Variants in DOCK3 observed in about 807,000 individuals in gnomAD.
DOCK3 encodes dedicator of cytokinesis protein 3.
In DOCK3, 60 loss-of-function variants were observed where a neutral mutation model predicts 265.6. The observed-to-expected ratio is 0.23, with a 90% CI of 0.18 to 0.28. The LOEUF (loss-of-function observed/expected upper bound fraction) is 0.28. Among genes scored for constraint, DOCK3 ranks in the 10% least tolerant of loss-of-function variants. The pLI is 1.00. For missense variants in DOCK3, 1,981 were observed against 2,594.3 expected (o/e 0.76, Z 5.14); for synonymous variants, 881 against 938.0 (o/e 0.94, Z 1.11).
At chr3:50,937,352 A>G (rs1456458553) in intron 5 of DOCK3, among the ~76,000 whole-genome samples, 1 of 150,188 alleles carries the variant, frequency 6.7e-6, no homozygotes, top group African/African-American at 2.4e-5. Context: ...ACTACATTCC[A>G]TTTTAAGTAT....
intron 40 of DOCK3, among the ~76,000 whole-genome samples, chr3:51,353,662 CTCCCA>C (rs982757906): frequency 2.0e-5 from 3 of 152,190 alleles, no homozygotes; most frequent in African/African-American, 7.2e-5. Flanking sequence ...TAGCCAAGTT[CTCCCA>C]TAGTGAGAGA....
intron 4 of DOCK3, among the ~76,000 whole-genome samples, chr3:50,911,141 C>A (rs775668023): frequency 6.6e-6 from 1 of 151,990 alleles, no homozygotes; most frequent in Non-Finnish European, 1.5e-5. Context: ...CCTCTTTATC[C>A]GTGCAGAAGC....
chr3:51,303,271 G>A (rs1560392305), intron 27 of DOCK3, among the ~76,000 whole-genome samples: 2 of 152,168 alleles, frequency 1.3e-5, no homozygotes, highest in South Asian at 2.1e-4. Flanking sequence ...GGTAATTTAT[G>A]TTCCTCTCTA....
At chr3:50,823,661 A>G (rs911872510) in intron 2 of DOCK3, among the ~76,000 whole-genome samples, 24 of 152,016 alleles carry the variant, frequency 1.6e-4, no homozygotes, top group Non-Finnish European at 1.3e-4. Flanking sequence ...ATCCTGGCCC[A>G]TTCTCAATGA....
chr3:51,166,252 T>C (rs1238010516), intron 12 of DOCK3, among the ~76,000 whole-genome samples: 1 of 152,026 alleles, frequency 6.6e-6, no homozygotes, highest in Non-Finnish European at 1.5e-5. Flanking sequence ...GGTTTCACCA[T>C]GTTGGCCAGG....
At chr3:51,195,964 CT>C (rs1485002291) in intron 12 of DOCK3, among the ~76,000 whole-genome samples, 1 of 151,824 alleles carries the variant, frequency 6.6e-6, no homozygotes, top group Admixed American at 6.6e-5. Context: ...GAAACAAGGT[CT>C]CACTCTGTCA....
Position 51,090,288 on chromosome 3 carries a change from T to A in DOCK3, c.650T>A (p.Phe217Tyr). 6.2e-7 allele frequency: 1 copy of A among 1,600,610 alleles called. No individual in the cohort carries two copies. Among genetic ancestry groups the A allele is most frequent in the South Asian group, 1.1e-5 (1 of 88,448 alleles). ...ETCRMPVPHH[F>Y]FLSLKSFTYN... ...TGTCGGATGCCAGTGCCACATCACT[T>A]CTTCCTCAGCCTGAAGAGTTTCACT... is the stretch of plus-strand genomic sequence containing the variant. The change falls in exon 9 of 53, where the codon TTC becomes TAC. Residue 217 changes from phenylalanine (F) to tyrosine (Y), a missense_variant. By Grantham distance (22) the Phe-to-Tyr change is conservative (BLOSUM62 3). Coordinates refer to ENST00000266037, the MANE Select transcript of DOCK3 (RefSeq NM_004947.5).
At chr3:50,855,820 T>C (rs1423798694) in intron 3 of DOCK3, among the ~76,000 whole-genome samples, 1 of 152,134 alleles carries the variant, frequency 6.6e-6, no homozygotes, top group East Asian at 1.9e-4. Flanking sequence ...CTATTCTTCC[T>C]GATGCTCACC....
At chr3:50,852,841 G>A (rs1470299279) in intron 3 of DOCK3, among the ~76,000 whole-genome samples, 6 of 151,904 alleles carry the variant, frequency 3.9e-5, no homozygotes, top group Admixed American at 1.3e-4. Flanking sequence ...ACAATTCTAG[G>A]TGAAAATTTA....
At chr3:51,296,719 G>T (rs554238229) in intron 27 of DOCK3, among the ~76,000 whole-genome samples, 3 of 151,890 alleles carry the variant, frequency 2.0e-5, no homozygotes, top group African/African-American at 4.8e-5. Flanking sequence ...CTTGTGATCC[G>T]CCCGCCTTGG....
chr3:51,148,824 G>A (rs906150462), intron 10 of DOCK3, among the ~76,000 whole-genome samples: 31 of 152,080 alleles, frequency 2.0e-4, no homozygotes, highest in African/African-American at 6.3e-4. Context: ...TTGGCAATGT[G>A]GGCTCTTTTT....
intron 5 of DOCK3, among the ~76,000 whole-genome samples, chr3:50,998,133 A>C (rs1223215915): frequency 6.6e-6 from 1 of 152,220 alleles, no homozygotes; most frequent in South Asian, 2.1e-4. Context: ...TTTTACAAAC[A>C]AAGGAACTGA....
At chr3:50,872,597 C>T (rs541101866) in intron 3 of DOCK3, among the ~76,000 whole-genome samples, 2 of 152,320 alleles carry the variant, frequency 1.3e-5, no homozygotes, top group South Asian at 4.1e-4. Context: ...CTGGCAAAGC[C>T]AGTCAGGTCT....
intron 2 of DOCK3, chr3:50,788,041 C>T: frequency 5.4e-6 from 4 of 737,462 alleles, no homozygotes; most frequent in Non-Finnish European, 9.2e-6. Flanking sequence ...CTCCTGTCTC[C>T]CTGAAATGTG....
intron 1 of DOCK3, among the ~76,000 whole-genome samples, chr3:50,723,515 C>T (rs2037610106): frequency 6.6e-6 from 1 of 152,094 alleles, no homozygotes; most frequent in Non-Finnish European, 1.5e-5. Flanking sequence ...TACTTTGGAA[C>T]AGAACAGAGG....
intron 9 of DOCK3, among the ~76,000 whole-genome samples, chr3:51,099,848 A>C (rs1326014623): frequency 6.6e-6 from 1 of 152,188 alleles, no homozygotes; most frequent in Non-Finnish European, 1.5e-5. Flanking sequence ...TTGCTGTGCT[A>C]AATAAGATTG....
intron 1 of DOCK3, among the ~76,000 whole-genome samples, chr3:50,777,590 T>C (rs551738435): frequency 6.0e-4 from 91 of 152,186 alleles, no homozygotes; most frequent in African/African-American, 2.0e-3. Context: ...GACTTTTTTT[T>C]AGCAGTGCCT....
intron 49 of DOCK3, among the ~76,000 whole-genome samples, chr3:51,362,946 C>A (rs1201306966): frequency 6.6e-6 from 1 of 152,236 alleles, no homozygotes; most frequent in Non-Finnish European, 1.5e-5. Context: ...AAGCTCACTT[C>A]TTTCCCATTG....
At chr3:50,737,876 T>C (rs1442589319) in intron 1 of DOCK3, among the ~76,000 whole-genome samples, 2 of 152,252 alleles carry the variant, frequency 1.3e-5, no homozygotes, top group South Asian at 2.1e-4. Context: ...TTATTTTGAA[T>C]TGTTAATGCA....
Sources: allele counts gnomAD v4.1 joint callset (sites outside exome capture counted in the v4.1 genomes callset), GRCh38; gene constraint gnomAD v4.1.1; transcripts MANE v1.5; gene names NCBI Gene and HGNC (gene_info 2026-07-23, HGNC 2026-07-21).